Variants in PXDNL observed in about 807,000 individuals in gnomAD.
PXDNL encodes the protein peroxidasin like.
PXDNL carries 145 observed loss-of-function variants against 150.8 expected under a neutral mutation model. That is an observed-to-expected ratio of 0.96 (90% CI 0.84 to 1.10). The LOEUF is 1.10. PXDNL is among the 50% of genes least tolerant of loss of function. The pLI is 0.00. For missense variants in PXDNL, 2,087 were observed against 1,873.9 expected (o/e 1.11, Z -2.10); for synonymous variants, 757 against 725.7 (o/e 1.04, Z -0.69).
intron 1 of PXDNL, among the ~76,000 whole-genome samples, chr8:51,710,253 A>C (rs1816468302): frequency 6.6e-6 from 1 of 152,174 alleles, no homozygotes; most frequent in Non-Finnish European, 1.5e-5. Context: ...AAGCAAATAG[A>C]TTTCTCCTTC....
At chr8:51,713,446 C>T (rs934344656) in intron 1 of PXDNL, among the ~76,000 whole-genome samples, 8 of 152,168 alleles carry the variant, frequency 5.3e-5, no homozygotes, top group African/African-American at 1.9e-4. Flanking sequence ...AATGAAATAC[C>T]TTTAACCATC....
intron 2 of PXDNL, among the ~76,000 whole-genome samples, chr8:51,602,194 C>A (rs1308978183): frequency 1.3e-5 from 2 of 151,710 alleles, no homozygotes; most frequent in Non-Finnish European, 2.9e-5. Context: ...CACAGGTGTG[C>A]TCTAGATTTT....
chr8:51,807,910 G>A (rs938442749), intron 1 of PXDNL, among the ~76,000 whole-genome samples: 1 of 152,204 alleles, frequency 6.6e-6, no homozygotes, highest in Non-Finnish European at 1.5e-5. Flanking sequence ...GGCTGGTTCT[G>A]AGTCTGAAGG....
At chr8:51,572,461 G>A (rs539654714) in intron 3 of PXDNL, among the ~76,000 whole-genome samples, 5 of 151,840 alleles carry the variant, frequency 3.3e-5, no homozygotes, top group South Asian at 2.1e-4. Context: ...AAACCAAAAC[G>A]AAGGTGAAAA....
intron 4 of PXDNL, among the ~76,000 whole-genome samples, chr8:51,515,972 T>G (rs1336182927): frequency 6.6e-6 from 1 of 152,180 alleles, no homozygotes; most frequent in Non-Finnish European, 1.5e-5. Flanking sequence ...CTAAGTAACT[T>G]TATAAGCCTC....
intron 15 of PXDNL, among the ~76,000 whole-genome samples, chr8:51,412,012 A>T (rs1808665803): frequency 4.6e-5 from 7 of 152,246 alleles, no homozygotes; most frequent in Admixed American, 4.6e-4. Context: ...TAGGTTGCTG[A>T]TGAGATGTTG....
intron 1 of PXDNL, among the ~76,000 whole-genome samples, chr8:51,678,533 A>G (rs1273584789): frequency 4.6e-5 from 7 of 151,476 alleles, no homozygotes; most frequent in Admixed American, 1.3e-4. Flanking sequence ...AATACTATGC[A>G]GCCATAAAAA....
At chr8:51,621,108 G>T (rs1814243236) in intron 2 of PXDNL, among the ~76,000 whole-genome samples, 1 of 151,966 alleles carries the variant, frequency 6.6e-6, no homozygotes. Flanking sequence ...TTAAAAATTG[G>T]TAGGAGCATA....
chr8:51,400,747 A>T (rs945679739), intron 17 of PXDNL, among the ~76,000 whole-genome samples: 5 of 152,220 alleles, frequency 3.3e-5, no homozygotes, highest in African/African-American at 1.2e-4. Flanking sequence ...GGTTAAGGTC[A>T]TGTAAGAATC....
At chr8:51,768,403 T>C (rs906418911) in intron 1 of PXDNL, among the ~76,000 whole-genome samples, 5 of 152,178 alleles carry the variant, frequency 3.3e-5, no homozygotes, top group African/African-American at 1.2e-4. Flanking sequence ...AGGCTTTATA[T>C]GAACAGAGTT....
Position 51,482,856 on chromosome 8 carries a change from C to T in PXDNL, c.524+787G>A, listed in dbSNP as rs1200532370. ...TTTATAAGCTACCCAGTCATGGGTA[C>T]GTCTTTATTAGCAGCAGGAGAACAG... On this transcript the variant is annotated intron_variant, in intron 6 of 22. Transcript: ENST00000356297. 2.0e-5 allele frequency among the ~76,000 whole-genome samples: 3 copies of T among 152,124 alleles called. 1 individual carries two copies. The highest frequency in any genetic ancestry group is 2.9e-5 in the Non-Finnish European group (2 of 68,042).
intron 17 of PXDNL, among the ~76,000 whole-genome samples, chr8:51,383,074 C>T (rs372272908): frequency 3.3e-5 from 5 of 152,284 alleles, no homozygotes; most frequent in African/African-American, 1.2e-4. Flanking sequence ...TCATGTAGAG[C>T]CTATGTTTGG....
chr8:51,670,966 AT>A (rs1815488776), intron 1 of PXDNL, among the ~76,000 whole-genome samples: 1 of 152,234 alleles, frequency 6.6e-6, no homozygotes, highest in African/African-American at 2.4e-5. Flanking sequence ...TCAATATTCT[AT>A]TGAGACATCT....
intron 5 of PXDNL, among the ~76,000 whole-genome samples, chr8:51,495,853 C>G (rs1563438230): frequency 6.6e-6 from 1 of 152,076 alleles, no homozygotes; most frequent in African/African-American, 2.4e-5. Context: ...CCAGAGGTAC[C>G]AGGAGGAGCT....
intron 2 of PXDNL, among the ~76,000 whole-genome samples, chr8:51,602,092 TC>T (rs1813736275): frequency 6.6e-6 from 1 of 151,274 alleles, no homozygotes; most frequent in African/African-American, 2.4e-5. Context: ...CTGATGGGCT[TC>T]CCTTTGTATG....
chr8:51,732,132 G>A (rs1816945710), intron 1 of PXDNL, among the ~76,000 whole-genome samples: 3 of 152,102 alleles, frequency 2.0e-5, no homozygotes. Context: ...TTAAACTTAA[G>A]TTCCTATCCC....
intron 4 of PXDNL, among the ~76,000 whole-genome samples, chr8:51,534,939 G>T (rs1321171062): frequency 9.2e-6 from 1 of 109,094 alleles, no homozygotes; most frequent in Non-Finnish European, 1.7e-5. Flanking sequence ...CCCTCTGCCC[G>T]GCCAGCCGCC....
Position 51,408,499 on chromosome 8 carries a change from G to GGGTT in PXDNL, c.3124_3125insAACC (p.Ala1042GlufsTer6). 6.2e-7 allele frequency: 1 copy of GGGTT among 1,613,400 alleles called. No individual in the cohort carries two copies. On this transcript the variant is annotated frameshift_variant, in exon 17 of 23. Coordinates refer to ENST00000356297, the MANE Select transcript of PXDNL (RefSeq NM_144651.5). LOFTEE classifies it high-confidence loss of function. ...AGTAGCAAAAGAGTTAATGATGCCTGCATTCACGTTGGGGTTGTAGCCTCG... is the reference window on the plus strand; with the variant it reads ...AGTAGCAAAAGAGTTAATGATGCCTGGGTTCATTCACGTTGGGGTTGTAGCCTCG...
chr8:51,391,585 G>A (rs1807910944), intron 17 of PXDNL, among the ~76,000 whole-genome samples: 7 of 152,042 alleles, frequency 4.6e-5, no homozygotes, highest in Admixed American at 4.6e-4. Flanking sequence ...TTTTTGATGG[G>A]GTTGTTTGTT....
Sources: gnomAD v4.1 joint callset for allele counts (sites outside exome capture counted in the v4.1 genomes callset) on GRCh38, gnomAD v4.1.1 for gene constraint, MANE v1.5 for transcripts, NCBI Gene and HGNC (gene_info 2026-07-23, HGNC 2026-07-21) for gene names.